Variants in RBM34 observed in about 807,000 individuals in gnomAD.
The protein encoded by RBM34 is RNA binding motif protein 34.
A neutral mutation model predicts 44.6 loss-of-function variants in RBM34; 39 were observed. That is an observed-to-expected ratio of 0.87 (90% CI 0.68 to 1.14). The LOEUF is 1.14. Ranked by LOEUF, RBM34 falls within the 50% of genes most tolerant of loss-of-function variation. The pLI is 0.00. For synonymous variants in RBM34, 194 were observed against 184.0 expected (o/e 1.05, Z -0.44); for missense variants, 572 against 517.9 (o/e 1.10, Z -1.01).
intron 6 of RBM34, among the ~76,000 whole-genome samples, chr1:235,143,408 T>C (rs143140583): frequency 0.013 from 2,028 of 152,356 alleles, 23 homozygotes; most frequent in Middle Eastern, 0.041. Context: ...TTATGTATAA[T>C]AGCCAAAGGC....
At chr1:235,155,872 T>C (rs1350907491) in intron 3 of RBM34, among the ~76,000 whole-genome samples, 26 of 41,944 alleles carry the variant, frequency 6.2e-4, no homozygotes, top group African/African-American at 4.0e-3. Flanking sequence ...TATATACATA[T>C]ATACTTTTTT....
chr1:235,135,874 A>G, intron 9 of RBM34, 104 bp from the exon 10 acceptor site: 1 of 1,263,912 alleles, frequency 7.9e-7, no homozygotes, highest in Non-Finnish European at 1.1e-6. Context: ...CATGAAAATA[A>G]GCCATTATAT....
chr1:235,133,950 C>T (rs1307273441), intron 10 of RBM34, among the ~76,000 whole-genome samples: 1 of 152,138 alleles, frequency 6.6e-6, no homozygotes, highest in Non-Finnish European at 1.5e-5. Flanking sequence ...ACAGCCTTGA[C>T]CTCCCGTACT....
intron 3 of RBM34, among the ~76,000 whole-genome samples, chr1:235,155,822 C>CATATATATATATATATAT (rs1172462826): frequency 7.0e-4 from 45 of 64,094 alleles, no homozygotes; most frequent in Middle Eastern, 0.01. Context: ...CATACATATA[C>CATATATATATATATATAT]ATATATATAT....
chr1:235,160,969 C>A lies in RBM34; in HGVS notation c.152G>T (p.Gly51Val). 1 of 1,614,156 alleles carries A rather than the reference C, an allele frequency of 6.2e-7. No homozygotes were observed. Among genetic ancestry groups the A allele is most frequent in the African/African-American group, 1.3e-5 (1 of 75,034 alleles). Residue 51 changes from glycine to valine, a missense_variant, in exon 2 of 11, where the codon GGT becomes GTT. Coordinates refer to ENST00000408888, the MANE Select transcript of RBM34 (RefSeq NM_015014.4). ...GAGGGACGCCAGCCGACCGGTGCCA[C>A]CTCTGGAATGGTGTTCGCCGCGAAA... Reference protein sequence around the residue: ...SLFRGEHHSRGGTGRLASLFS... With the variant: ...SLFRGEHHSRVGTGRLASLFS...
At chr1:235,159,229 A>T (rs1662583303) in intron 3 of RBM34, among the ~76,000 whole-genome samples, 1 of 150,842 alleles carries the variant, frequency 6.6e-6, no homozygotes, top group Non-Finnish European at 1.5e-5. Context: ...AAAAAAAAAA[A>T]GTTAATGAGG....
chr1:235,155,841 A>ATACACG (rs1177876759), intron 3 of RBM34, among the ~76,000 whole-genome samples: 1 of 25,364 alleles, frequency 3.9e-5, no homozygotes, highest in African/African-American at 1.9e-4. Context: ...ATATATATAT[A>ATACACG]TATATATATA....
At chr1:235,141,155 C>A (rs1372330751) in intron 6 of RBM34, among the ~76,000 whole-genome samples, 1 of 151,702 alleles carries the variant, frequency 6.6e-6, no homozygotes, top group East Asian at 1.9e-4. Flanking sequence ...CTGTGTTTAG[C>A]TCAAGGTTTG....
chr1:235,160,521 A>C lies in RBM34; in HGVS notation c.355T>G (p.Leu119Val). 6.2e-7 allele frequency: 1 copy of C among 1,609,864 alleles called. No homozygotes were observed. Among genetic ancestry groups the C allele is most frequent in the Non-Finnish European group, 8.5e-7 (1 of 1,179,064 alleles). The change falls in exon 3 of 11, where the codon TTG (leucine) becomes GTG (valine). Residue 119 changes from leucine (L) to valine (V), a missense_variant. By Grantham distance (32) the Leu-to-Val change is conservative. Transcript: ENST00000408888. Reference sequence around the variant, plus strand: ...GAGAATTTTACCAACCTGTCTGCCAACTTTTTTTCTGCGTTAGTGTGTTTC... The same window carrying C: ...GAGAATTTTACCAACCTGTCTGCCACCTTTTTTTCTGCGTTAGTGTGTTTC... ...KKKHTNAEKK[L>V]ADRESALASA...
intron 6 of RBM34, among the ~76,000 whole-genome samples, chr1:235,142,219 G>A (rs549844942): frequency 9.9e-5 from 15 of 152,282 alleles, no homozygotes; most frequent in Middle Eastern, 6.8e-3. Flanking sequence ...ACTAAGACAA[G>A]ACAGCAGAGA....
intron 5 of RBM34, among the ~76,000 whole-genome samples, chr1:235,148,801 G>C (rs527586383): frequency 6.6e-6 from 1 of 151,754 alleles, no homozygotes; most frequent in Admixed American, 6.6e-5. Context: ...GGTTTCATCA[G>C]GTTAGCCAGG....
chr1:235,140,948 A>C (rs548065644), intron 6 of RBM34, among the ~76,000 whole-genome samples: 3 of 151,838 alleles, frequency 2.0e-5, no homozygotes, highest in East Asian at 3.9e-4. Flanking sequence ...AGCACTCTGT[A>C]TCTAGCTCAA....
chr1:235,155,850 T>TATATAC lies in RBM34; in HGVS notation c.366-739_366-738insGTATAT, dbSNP rs1553275356. Reference sequence around the variant, plus strand: ...ATATATATATATATATATATATATATATATATATATATATATACATATATA... The same window carrying TATATAC: ...ATATATATATATATATATATATATATATATACATATATATATATATATACATATATA... On this transcript the variant is annotated intron_variant, in intron 3 of 10. Transcript: ENST00000408888. Among the ~76,000 whole-genome samples the TATATAC allele has an allele frequency of 5.0e-3, 143 of 28,780 alleles. 6 individuals are homozygous for TATATAC. Among genetic ancestry groups the TATATAC allele is most frequent in the Non-Finnish European group, 6.6e-3 (109 of 16,612 alleles). 18.9% of individuals were successfully genotyped at this position (28,780 alleles called of 152,430 possible).
chr1:235,145,364 A>C (rs1487039768), intron 6 of RBM34, among the ~76,000 whole-genome samples: 1 of 150,920 alleles, frequency 6.6e-6, no homozygotes, highest in Non-Finnish European at 1.5e-5. Flanking sequence ...TGCAGCCTCC[A>C]TTCTCCGGGC....
rs1224734245 is a variant in RBM34 at position 235,136,179 on chromosome 1, ATCT to A, written c.850-109_850-107del. The A allele has an allele frequency of 1.8e-5, 16 of 882,750 alleles. No homozygotes were observed. The East Asian group carries it at 4.2e-4, about 23-fold the overall frequency. The allele number at this position is 882,750 out of a possible 1,614,324, so 54.7% of individuals were successfully genotyped here. On this transcript the variant is annotated intron_variant, in intron 8 of 10. Transcript: ENST00000408888. The stretch of plus-strand genomic sequence containing the variant: ...TCCCCCCATATCTGACAGGTCACCC[ATCT>A]TCTAATTTAACCACACATCATGTTC...
chr1:235,146,419 G>GTAC (rs1661910385), intron 6 of RBM34, among the ~76,000 whole-genome samples: 1 of 152,082 alleles, frequency 6.6e-6, no homozygotes, highest in East Asian at 1.9e-4. Flanking sequence ...TCTCCAAGTT[G>GTAC]TACTAAGCAG....
rs1661413455 is a variant in RBM34 at position 235,136,031 on chromosome 1, T to C, written c.889+3A>G. ...TAACTGTACTTTGTTTAAACAAACT[T>C]ACTATAAGGGAGATTCCCCACAAAA... On this transcript the variant is annotated splice_donor_region_variant and intron_variant, in intron 9 of 10. Coordinates refer to ENST00000408888, the MANE Select transcript of RBM34 (RefSeq NM_015014.4). 2 of 1,576,790 alleles carry C rather than the reference T, an allele frequency of 1.3e-6. No homozygotes were observed. The highest frequency in any genetic ancestry group is 1.4e-5 in the African/African-American group (1 of 73,884).
intron 10 of RBM34, among the ~76,000 whole-genome samples, chr1:235,132,354 G>A (rs968447007): frequency 6.6e-6 from 1 of 152,062 alleles, no homozygotes; most frequent in Non-Finnish European, 1.5e-5. Flanking sequence ...CTGTTGCCAG[G>A]CTGGAGTGCA....
At chr1:235,154,443 A>C (rs566157061) in intron 4 of RBM34, among the ~76,000 whole-genome samples, 3 of 151,886 alleles carry the variant, frequency 2.0e-5, no homozygotes, top group Admixed American at 2.0e-4. Context: ...GTGCGCCTGT[A>C]GTCCCAGCTA....
Sources: allele counts gnomAD v4.1 joint callset (sites outside exome capture counted in the v4.1 genomes callset), GRCh38; gene constraint gnomAD v4.1.1; transcripts MANE v1.5; gene names NCBI Gene and HGNC (gene_info 2026-07-23, HGNC 2026-07-21).